The following SOX5 variants were observed in gnomAD, a reference collection of about 807,000 sequenced individuals.
The protein encoded by SOX5 is SRY-box transcription factor 5, also known as transcription factor SOX-5.
In SOX5, 9 loss-of-function variants were observed where a neutral mutation model predicts 92.0. The observed-to-expected ratio is 0.10, with a 90% CI of 0.06 to 0.17. SOX5 has a LOEUF of 0.17. Among genes scored for constraint, SOX5 ranks in the 10% least tolerant of loss-of-function variants. SOX5 has a pLI of 1.00. For missense variants in SOX5, 642 were observed against 944.5 expected (o/e 0.68, Z 4.20); for synonymous variants, 344 against 336.3 (o/e 1.02, Z -0.25).
At chr12:23,632,861 C>T (rs1273601233) in intron 8 of SOX5, among the ~76,000 whole-genome samples, 2 of 152,034 alleles carry the variant, frequency 1.3e-5, no homozygotes, top group African/African-American at 2.4e-5. Flanking sequence ...TTACTAGTTA[C>T]TGAAGCTGTA....
chr12:23,632,026 T>A (rs1016059613), intron 8 of SOX5: 1 of 152,162 alleles, frequency 6.6e-6, no homozygotes, highest in African/African-American at 2.4e-5. Context: ...AGAGAAAATG[T>A]TGGCTGCACT....
intron 4 of SOX5, among the ~76,000 whole-genome samples, chr12:24,056,825 A>T (rs568881594): frequency 0.022 from 3,332 of 149,396 alleles, 131 homozygotes; most frequent in African/African-American, 0.078. Context: ...AATACAAAAA[A>T]TTAGCCGGGC....
Position 24,330,962 on chromosome 12 carries a change from C to T in SOX5, c.-174+37601G>A, listed in dbSNP as rs541919602. Among the ~76,000 whole-genome samples, 67 of 152,274 alleles carry T rather than the reference C, an allele frequency of 4.4e-4. 1 individual carries two copies. Among genetic ancestry groups the T allele is most frequent in the African/African-American group, 1.4e-3 (60 of 41,552 alleles). ...TACAATGACTGATGAAGCAGCCACA[C>T]GCTAATATATAAACATACAAGGCTG... On this transcript the variant is annotated intron_variant, in intron 2 of 4. Transcript: ENST00000446891.
intron 2 of SOX5, among the ~76,000 whole-genome samples, chr12:23,891,833 CTT>C (rs2097132519): frequency 6.6e-6 from 1 of 152,072 alleles, no homozygotes. Flanking sequence ...TAAAATGTAT[CTT>C]AATCAGTTTA....
chr12:24,206,073 T>G (rs1475169530), intron 4 of SOX5, among the ~76,000 whole-genome samples: 1 of 152,198 alleles, frequency 6.6e-6, no homozygotes, highest in African/African-American at 2.4e-5. Context: ...ACATGATACC[T>G]GGGTCCAATC....
rs77342960 is a variant in SOX5 at position 24,335,525 on chromosome 12, T to C, written c.-174+33038A>G. Among the ~76,000 whole-genome samples, 14 of 152,322 alleles carry C rather than the reference T, an allele frequency of 9.2e-5. No homozygotes were observed. In the East Asian group the frequency reaches 2.5e-3, roughly 27 times the overall value. On this transcript the variant is annotated intron_variant, in intron 2 of 4. Coordinates refer to the SOX5 transcript ENST00000446891. The stretch of plus-strand genomic sequence containing the variant: ...CTGAAGATAAGTGAGATTAAGTTAC[T>C]TGTTGGAGGTCCCTTATTAAGCATG...
intron 4 of SOX5, among the ~76,000 whole-genome samples, chr12:23,752,347 G>A (rs759778730): frequency 9.9e-5 from 15 of 151,840 alleles, no homozygotes; most frequent in Non-Finnish European, 1.6e-4. Flanking sequence ...AGAACCTCCC[G>A]TACACAGCTC....
At chr12:24,077,243 A>G (rs374748140) in intron 4 of SOX5, among the ~76,000 whole-genome samples, 1 of 152,118 alleles carries the variant, frequency 6.6e-6, no homozygotes, top group East Asian at 1.9e-4. Flanking sequence ...TGTGTAACCA[A>G]GACTGACTCT....
intron 3 of SOX5, among the ~76,000 whole-genome samples, chr12:23,831,449 CAG>C (rs2096318066): frequency 6.6e-6 from 1 of 151,932 alleles, no homozygotes. Context: ...CACAGTAGGA[CAG>C]AGAGGGACGG....
At chr12:24,101,645 A>G (rs957161431) in intron 4 of SOX5, among the ~76,000 whole-genome samples, 2 of 152,170 alleles carry the variant, frequency 1.3e-5, no homozygotes, top group Admixed American at 6.6e-5. Flanking sequence ...AGCAGAAAAA[A>G]TAAGAGAAAT....
At chr12:23,950,317 G>A (rs1945411192), upstream of SOX5, among the ~76,000 whole-genome samples, 1 of 151,776 alleles carries the variant, frequency 6.6e-6, no homozygotes, top group Non-Finnish European at 1.5e-5. Flanking sequence ...TGTTCTGAGG[G>A]AAGAAAAGCA....
chr12:23,853,727 T>C (rs1238272284), intron 2 of SOX5, among the ~76,000 whole-genome samples: 1 of 152,082 alleles, frequency 6.6e-6, no homozygotes, highest in Non-Finnish European at 1.5e-5. Context: ...CATTAACTAA[T>C]AGAACCCGTA....
intron 3 of SOX5, among the ~76,000 whole-genome samples, chr12:23,805,554 C>G (rs1393689828): frequency 1.3e-5 from 2 of 152,008 alleles, no homozygotes; most frequent in Admixed American, 6.6e-5. Context: ...TTCCTATTCC[C>G]AACCATTAAA....
At chr12:23,947,126 T>A in intron 1 of SOX5, among the ~76,000 whole-genome samples, 1 of 151,882 alleles carries the variant, frequency 6.6e-6, no homozygotes, top group East Asian at 1.9e-4. Flanking sequence ...ACCAATGAAA[T>A]TAGTAAAAAT....
chr12:24,443,158 C>T (rs1596691732), intron 1 of SOX5, among the ~76,000 whole-genome samples: 1 of 152,070 alleles, frequency 6.6e-6, no homozygotes, highest in South Asian at 2.1e-4. Context: ...CACCGTGTTG[C>T]CCAGGCTGGT....
At chr12:24,108,300 T>G (rs1946916423) in intron 4 of SOX5, among the ~76,000 whole-genome samples, 1 of 151,804 alleles carries the variant, frequency 6.6e-6, no homozygotes, top group African/African-American at 2.4e-5. Context: ...TTTTGTTAAT[T>G]ATAGTTTTTC....
At chr12:23,991,392 T>C (rs550775504) in intron 4 of SOX5, among the ~76,000 whole-genome samples, 1 of 151,620 alleles carries the variant, frequency 6.6e-6, no homozygotes, top group African/African-American at 2.4e-5. Flanking sequence ...TACTAGTGAG[T>C]TCTGGGGTAA....
At chr12:24,044,505 T>G (rs1956815977) in intron 4 of SOX5, among the ~76,000 whole-genome samples, 1 of 152,240 alleles carries the variant, frequency 6.6e-6, no homozygotes, top group Admixed American at 6.5e-5. Context: ...TTATCTATTG[T>G]CATTATGGCA....
At chr12:23,937,004 C>T (rs1942718074) in intron 1 of SOX5, among the ~76,000 whole-genome samples, 1 of 150,708 alleles carries the variant, frequency 6.6e-6, no homozygotes, top group Non-Finnish European at 1.5e-5. Flanking sequence ...ACTCTGAGAG[C>T]GTTTCTTTAT....
Sources: gnomAD v4.1 joint callset for allele counts (sites outside exome capture counted in the v4.1 genomes callset) on GRCh38, gnomAD v4.1.1 for gene constraint, MANE v1.5 for transcripts, NCBI Gene and HGNC (gene_info 2026-07-23, HGNC 2026-07-21) for gene names.